Variants in PRIM2 observed in about 807,000 individuals in gnomAD.
PRIM2 encodes the protein DNA primase subunit 2.
In PRIM2, 39 loss-of-function variants were observed where a neutral mutation model predicts 67.3. The observed-to-expected ratio is 0.58, with a 90% CI of 0.45 to 0.76. The LOEUF is 0.76. PRIM2 is among the 30% of genes least tolerant of loss of function. The pLI, the probability that PRIM2 is intolerant of heterozygous loss-of-function variation, is 0.00. For synonymous variants in PRIM2, 143 were observed against 198.7 expected, an observed-to-expected ratio of 0.72 and a Z score of 2.36; for missense variants, 398 against 598.7, an observed-to-expected ratio of 0.66 and a Z score of 3.50.
At chr6:57,388,811 A>G (rs1770234148) in intron 7 of PRIM2, among the ~76,000 whole-genome samples, 1 of 152,190 alleles carries the variant, frequency 6.6e-6, no homozygotes, top group Non-Finnish European at 1.5e-5. Context: ...GTTAAGTAGA[A>G]GGTGCTTATT....
At chr6:57,500,767 G>C (rs2127457422) in intron 7 of PRIM2, among the ~76,000 whole-genome samples, 1 of 152,340 alleles carries the variant, frequency 6.6e-6, no homozygotes, top group East Asian at 1.9e-4. Context: ...AAGAATGCCA[G>C]TTAATCTGTA....
chr6:57,511,240 A>C (rs1774360266), intron 8 of PRIM2, among the ~76,000 whole-genome samples: 1 of 152,074 alleles, frequency 6.6e-6, no homozygotes, highest in African/African-American at 2.4e-5. Context: ...TGATGTGTCC[A>C]AACTGTTTTA....
chr6:57,342,068 C>A (rs556793233), intron 5 of PRIM2, among the ~76,000 whole-genome samples: 1 of 152,086 alleles, frequency 6.6e-6, no homozygotes, highest in African/African-American at 2.4e-5. Flanking sequence ...TTGTGTCCTT[C>A]GATGGAGAAA....
intron 12 of PRIM2, among the ~76,000 whole-genome samples, chr6:57,624,765 C>G (rs1434653575): frequency 2.0e-5 from 3 of 152,130 alleles, no homozygotes; most frequent in Non-Finnish European, 4.4e-5. Flanking sequence ...CTTCATGGAG[C>G]TGATATTCCA....
chr6:57,638,310 A>G lies in PRIM2; in HGVS notation c.1299+6109A>G, dbSNP rs1200048462. Among the ~76,000 whole-genome samples, 5 of 152,312 alleles carry G rather than the reference A, an allele frequency of 3.3e-5. No homozygotes were observed. The South Asian group carries it at 1.0e-3, about 32-fold the overall frequency. Reference sequence around the variant, plus strand: ...ACTGCAAAAACATATCAAATTCTAAAGACTGTCGACACTATAAAGAAATTG... The same window carrying G: ...ACTGCAAAAACATATCAAATTCTAAGGACTGTCGACACTATAAAGAAATTG... On this transcript the variant is annotated intron_variant, in intron 13 of 13. Coordinates refer to ENST00000615550, the MANE Select transcript of PRIM2 (RefSeq NM_000947.5).
intron 5 of PRIM2, among the ~76,000 whole-genome samples, chr6:57,375,095 A>C (rs1413127213): frequency 6.6e-6 from 1 of 152,268 alleles, no homozygotes. Flanking sequence ...AGGAACTTTC[A>C]AGACTATGTT....
At chr6:57,399,129 G>C (rs1221223681) in intron 7 of PRIM2, among the ~76,000 whole-genome samples, 1 of 152,008 alleles carries the variant, frequency 6.6e-6, no homozygotes, top group Non-Finnish European at 1.5e-5. Flanking sequence ...TCATGTTGGT[G>C]TGCTGCACCC....
intron 8 of PRIM2, among the ~76,000 whole-genome samples, chr6:57,529,470 A>G (rs1433803552): frequency 6.6e-6 from 1 of 152,348 alleles, no homozygotes; most frequent in Non-Finnish European, 1.5e-5. Context: ...TTATCTGGTT[A>G]TGCTGTGTAC....
chr6:57,496,719 CAAT>C (rs1175824192), intron 7 of PRIM2, among the ~76,000 whole-genome samples: 32 of 151,988 alleles, frequency 2.1e-4, no homozygotes, highest in Admixed American at 1.9e-3. Context: ...AATGAAAATA[CAAT>C]AATAATAAGG....
intron 7 of PRIM2, among the ~76,000 whole-genome samples, chr6:57,407,371 A>G (rs558019403): frequency 7.9e-5 from 12 of 151,786 alleles, no homozygotes; most frequent in African/African-American, 2.7e-4. Flanking sequence ...AATAATCTGT[A>G]CTTCTTGTAG....
chr6:57,521,016 T>C (rs1291556753), intron 8 of PRIM2, among the ~76,000 whole-genome samples: 4 of 152,218 alleles, frequency 2.6e-5, no homozygotes, highest in Non-Finnish European at 4.4e-5. Context: ...CAGAGACTTT[T>C]TAAAAAATAA....
the PRIM2 span, among the ~76,000 whole-genome samples, chr6:57,301,256 G>A: frequency 3.3e-5 from 5 of 152,176 alleles, no homozygotes; most frequent in African/African-American, 1.2e-4. Flanking sequence ...GGGAGGTCAC[G>A]GCGGGTAGAT....
chr6:57,529,865 G>A (rs1252694762), intron 8 of PRIM2, among the ~76,000 whole-genome samples: 5 of 152,192 alleles, frequency 3.3e-5, no homozygotes, highest in African/African-American at 1.2e-4. Context: ...TACACTTATG[G>A]AGGATGGGAA....
At chr6:57,456,680 C>T (rs1772795887) in intron 7 of PRIM2, among the ~76,000 whole-genome samples, 1 of 151,980 alleles carries the variant, frequency 6.6e-6, no homozygotes, top group Non-Finnish European at 1.5e-5. Flanking sequence ...TCTAGTTAGC[C>T]ATTCGTCTAG....
At chr6:57,635,280 C>T (rs1367036807) in intron 13 of PRIM2, among the ~76,000 whole-genome samples, 4 of 152,120 alleles carry the variant, frequency 2.6e-5, no homozygotes, top group Non-Finnish European at 5.9e-5. Flanking sequence ...TCTACATTTG[C>T]AGTGGCAGAA....
chr6:57,269,004 G>A, the PRIM2 span, among the ~76,000 whole-genome samples: 2 of 151,740 alleles, frequency 1.3e-5, no homozygotes, highest in Non-Finnish European at 2.9e-5. Flanking sequence ...TGGTGTATAT[G>A]TGCCACATTT....
chr6:57,439,338 T>G lies in PRIM2; in HGVS notation c.693+57170T>G, dbSNP rs372177383. ...CTGTATTCTGGCCAGTAGTTTGAATTATTTTACTACCTTTGCTCTGTGTTG... is the reference window on the plus strand; with the variant it reads ...CTGTATTCTGGCCAGTAGTTTGAATGATTTTACTACCTTTGCTCTGTGTTG... On this transcript the variant is annotated intron_variant, in intron 7 of 13. Transcript: ENST00000615550. Among the ~76,000 whole-genome samples, 1,093 of 121,408 alleles carry G rather than the reference T, an allele frequency of 9.0e-3. 14 individuals are homozygous for G. Among genetic ancestry groups the G allele is most frequent in the African/African-American group, 0.027 (1,039 of 38,316 alleles). The allele number at this position is 121,408 out of a possible 152,430, so 79.6% of individuals were successfully genotyped here.
intron 7 of PRIM2, chr6:57,435,071 G>A (rs1166032586): frequency 6.6e-6 from 1 of 152,240 alleles, no homozygotes; most frequent in Non-Finnish European, 1.5e-5. Context: ...TAGGCACTAG[G>A]CGGCATGCCT....
At chr6:57,315,447 GGAGTCATGAAGAGCCTCAGGGGTTTAAAT>G (rs1398787935), upstream of PRIM2, among the ~76,000 whole-genome samples, 2 of 152,062 alleles carry the variant, frequency 1.3e-5, no homozygotes, top group Non-Finnish European at 2.9e-5. Context: ...ACACCATATG[GGAGTCATGAAGAGCCTCAGGGGTTTAAAT>G]GAGGAGCAAA....
Sources: gnomAD v4.1 joint callset for allele counts (sites outside exome capture counted in the v4.1 genomes callset) on GRCh38, gnomAD v4.1.1 for gene constraint, MANE v1.5 for transcripts, NCBI Gene and HGNC (gene_info 2026-07-23, HGNC 2026-07-21) for gene names.